The following VOPP1 variants were observed in gnomAD, a reference collection of about 807,000 sequenced individuals.
The protein encoded by VOPP1 is VOPP1 WW domain binding protein.
A neutral mutation model predicts 23.5 loss-of-function variants in VOPP1; 8 were observed. The observed-to-expected ratio is 0.34, with a 90% CI of 0.20 to 0.61. VOPP1 has a LOEUF of 0.61. Among genes scored for constraint, VOPP1 ranks in the 20% least tolerant of loss-of-function variants. The pLI, the probability that VOPP1 is intolerant of heterozygous loss-of-function variation, is 0.78. For missense variants in VOPP1, 174 were observed against 238.1 expected (o/e 0.73, Z 1.77); for synonymous variants, 83 against 97.3 (o/e 0.85, Z 0.86).
rs1194468891 is a variant in VOPP1, at chr7:55,448,899, G to A, written n.418-12725C>T. Among the ~76,000 whole-genome samples the A allele has an allele frequency of 2.0e-5, 3 of 149,326 alleles. No homozygotes were observed. In the South Asian group the frequency reaches 6.4e-4, roughly 32 times the overall value. On this transcript the variant is annotated intron_variant and non_coding_transcript_variant, in intron 4 of 4. Transcript: ENST00000462326. ...TTTATTTAAAAGTGAAAAACAAAAT[G>A]GGAAGAGGGGGTTAAATAAACTGGA...
chr7:55,446,354 CAT>C (rs1366174105), intron 4 of VOPP1, among the ~76,000 whole-genome samples: 1 of 152,172 alleles, frequency 6.6e-6, no homozygotes, highest in Non-Finnish European at 1.5e-5. Flanking sequence ...TATTACATCA[CAT>C]GAGAAGTGCT....
In VOPP1 at chr7:55,473,044, T is replaced by C; in HGVS notation, c.330A>G (p.Gly110=). Residue 110 remains glycine, a splice_region_variant and synonymous_variant, in exon 5 of 5, where the codon GGA becomes GGG. Transcript: ENST00000285279. ...YTRQPPNPGP[G]AQQPGPPYYT... ...AATAGGGCGGCCCCGGCTGCTGGGC[T>C]CCTGAAAGACAGACAAACATAGGTG... The C allele has an allele frequency of 6.3e-7, 1 of 1,597,208 alleles. No homozygotes were observed. The highest frequency in any genetic ancestry group is 1.1e-5 in the South Asian group (1 of 88,302).
intron 4 of VOPP1, among the ~76,000 whole-genome samples, chr7:55,479,360 G>A (rs1378733906): frequency 7.1e-6 from 1 of 140,032 alleles, no homozygotes; most frequent in Non-Finnish European, 1.5e-5. Flanking sequence ...CTGTGTCCAT[G>A]TGTTCCAGAG....
At chr7:55,546,224 G>A (rs993792382) in intron 1 of VOPP1, among the ~76,000 whole-genome samples, 1 of 152,250 alleles carries the variant, frequency 6.6e-6, no homozygotes, top group Non-Finnish European at 1.5e-5. Context: ...CACAGGTGGT[G>A]CCATCTCCTG....
Position 55,548,051 on chromosome 7 carries a change from G to A in VOPP1, c.54+24220C>T, listed in dbSNP as rs184969418. ...CCTAAGACCGTGACCGCAGATTCTGGGAATGGGAGGCAGGTGAATGGAGAT... is the reference window on the plus strand; with the variant it reads ...CCTAAGACCGTGACCGCAGATTCTGAGAATGGGAGGCAGGTGAATGGAGAT... On this transcript the variant is annotated intron_variant, in intron 1 of 4. Coordinates refer to ENST00000285279, the MANE Select transcript of VOPP1 (RefSeq NM_030796.5). Among the ~76,000 whole-genome samples, 258 of 152,298 alleles carry A rather than the reference G, an allele frequency of 1.7e-3. 3 individuals carry two copies. Among genetic ancestry groups the A allele is most frequent in the Admixed American group, 0.017 (257 of 15,290 alleles).
intron 1 of VOPP1, among the ~76,000 whole-genome samples, chr7:55,525,803 A>C (rs1250422177): frequency 4.0e-5 from 6 of 151,810 alleles, no homozygotes; most frequent in African/African-American, 1.5e-4. Flanking sequence ...AAAAAAAAAA[A>C]AAAAAAAAAA....
intron 1 of VOPP1, among the ~76,000 whole-genome samples, chr7:55,561,000 T>C (rs1797965862): frequency 6.6e-6 from 1 of 152,290 alleles, no homozygotes. Flanking sequence ...CCTGCTTCCA[T>C]GCTGCTTAGG....
chr7:55,480,467 G>A (rs959047923), intron 4 of VOPP1, among the ~76,000 whole-genome samples: 2 of 152,128 alleles, frequency 1.3e-5, no homozygotes, highest in African/African-American at 4.8e-5. Flanking sequence ...GATTTATCAG[G>A]AGGGGAACAA....
At chr7:55,463,049 T>C (rs1791544825) in intron 4 of VOPP1, among the ~76,000 whole-genome samples, 1 of 151,874 alleles carries the variant, frequency 6.6e-6, no homozygotes, top group East Asian at 1.9e-4. Context: ...TGTATTATTA[T>C]TTATTTCTAG....
chr7:55,464,183 T>C (rs112497301), intron 4 of VOPP1, among the ~76,000 whole-genome samples: 1,826 of 152,280 alleles, frequency 0.012, 13 homozygotes, highest in Admixed American at 0.021. Flanking sequence ...CACGATGGTG[T>C]GTGCAGGCAC....
At chr7:55,552,663 C>T (rs751299118) in intron 1 of VOPP1, 10 of 1,536,018 alleles carry the variant, frequency 6.5e-6, no homozygotes, top group South Asian at 4.8e-5. Flanking sequence ...CATATGACAC[C>T]GCCTTCCAAC....
downstream of VOPP1, among the ~76,000 whole-genome samples, chr7:55,466,185 G>A (rs988919526): frequency 6.6e-6 from 1 of 152,174 alleles, no homozygotes; most frequent in Non-Finnish European, 1.5e-5. Flanking sequence ...ACAGCCTCCA[G>A]AACTCTAAGA....
chr7:55,440,067 G>A (rs934643086), intron 4 of VOPP1, among the ~76,000 whole-genome samples: 1 of 152,182 alleles, frequency 6.6e-6, no homozygotes, highest in Non-Finnish European at 1.5e-5. Flanking sequence ...AGGGGCTCCC[G>A]TGGTCACCGC....
intron 4 of VOPP1, among the ~76,000 whole-genome samples, chr7:55,485,362 G>A (rs1365362584): frequency 6.6e-6 from 1 of 152,182 alleles, no homozygotes; most frequent in African/African-American, 2.4e-5. Context: ...CAAGTCATTA[G>A]AAGTCTTCTA....
intron 1 of VOPP1, among the ~76,000 whole-genome samples, chr7:55,542,355 C>T (rs1797169262): frequency 6.6e-6 from 1 of 152,216 alleles, no homozygotes; most frequent in African/African-American, 2.4e-5. Context: ...AACACCACAT[C>T]TTATTCCTTC....
chr7:55,442,653 A>AG lies in VOPP1; in HGVS notation n.418-6480_418-6479insC, dbSNP rs1491386494. 3.0e-3 allele frequency among the ~76,000 whole-genome samples: 82 copies of AG among 27,490 alleles called. 1 individual carries two copies. Among genetic ancestry groups the AG allele is most frequent in the African/African-American group, 0.016 (75 of 4,658 alleles). 18.0% of individuals were successfully genotyped at this position (27,490 alleles called of 152,430 possible). On this transcript the variant is annotated intron_variant and non_coding_transcript_variant, in intron 4 of 4. Transcript: ENST00000462326. ...ATACACACCACTTTTGAAGTAGACC[A>AG]AAAAAAAAAAAAAACCTAAATCTGA...
rs201442833 is a variant in VOPP1 at position 55,525,132 on chromosome 7, C to A, written c.55-4002G>T. 3.3e-5 allele frequency among the ~76,000 whole-genome samples: 5 copies of A among 152,234 alleles called. No individual in the cohort carries two copies. The East Asian group carries it at 9.7e-4, about 29-fold the overall frequency. The stretch of plus-strand genomic sequence containing the variant: ...AAAGAACCAGAGCTCTGTGTTCTGA[C>A]CCTGACTGCAACCTGCCAGCCACAC... On this transcript the variant is annotated intron_variant, in intron 1 of 4. Transcript: ENST00000285279.
At chr7:55,438,688 G>A (rs899618168) in intron 4 of VOPP1, among the ~76,000 whole-genome samples, 3 of 152,232 alleles carry the variant, frequency 2.0e-5, no homozygotes, top group African/African-American at 7.2e-5. Context: ...ATTCTTAGGA[G>A]TCTGGCTCTG....
chr7:55,477,075 T>C (rs1792312737), intron 4 of VOPP1, among the ~76,000 whole-genome samples: 1 of 152,192 alleles, frequency 6.6e-6, no homozygotes. Flanking sequence ...TCCTAGCCTC[T>C]GGTCTGGCTA....
Sources: allele counts gnomAD v4.1 joint callset (sites outside exome capture counted in the v4.1 genomes callset), GRCh38; gene constraint gnomAD v4.1.1; transcripts MANE v1.5; gene names NCBI Gene and HGNC (gene_info 2026-07-23, HGNC 2026-07-21).